Variants in FRY observed in about 807,000 individuals in gnomAD.
FRY encodes protein furry homolog.
FRY carries 128 observed loss-of-function variants against 348.4 expected under a neutral mutation model. The ratio of observed to expected loss-of-function variants is 0.37; its 90% CI spans 0.32 to 0.43. FRY has a LOEUF of 0.43. Ranked by LOEUF, FRY falls within the 20% of genes least tolerant of loss-of-function variation. FRY has a pLI of 1.00. For missense variants in FRY, 2,736 were observed against 3,695.2 expected (o/e 0.74, Z 6.73); for synonymous variants, 1,370 against 1,374.7 (o/e 1.00, Z 0.08).
intron 11 of FRY, among the ~76,000 whole-genome samples, chr13:32,139,360 C>T (rs1358529084): frequency 6.6e-6 from 1 of 152,176 alleles, no homozygotes; most frequent in Non-Finnish European, 1.5e-5. Flanking sequence ...CTTCCTTACC[C>T]CTCCCCAGCC....
chr13:32,151,582 A>G (rs940837088), intron 14 of FRY, among the ~76,000 whole-genome samples: 11 of 152,244 alleles, frequency 7.2e-5, no homozygotes, highest in Admixed American at 4.6e-4. Context: ...AGGCCTGGAG[A>G]TCTAAAGGAT....
At chr13:32,069,882 G>C (rs1874518963) in intron 1 of FRY, among the ~76,000 whole-genome samples, 1 of 133,618 alleles carries the variant, frequency 7.5e-6, no homozygotes, top group East Asian at 2.2e-4. Flanking sequence ...CCCCCCAAGA[G>C]GCCCCGGTGT....
At chr13:32,247,743 A>G (rs904766628) in intron 48 of FRY, among the ~76,000 whole-genome samples, 6 of 152,248 alleles carry the variant, frequency 3.9e-5, no homozygotes, top group African/African-American at 1.4e-4. Flanking sequence ...TGATTTTAAA[A>G]AGAGGTATTT....
chr13:32,185,215 T>C (rs1882959158), intron 26 of FRY, 67 bp downstream of exon 26: 1 of 1,420,290 alleles, frequency 7.0e-7, no homozygotes. Flanking sequence ...TTTATTACGG[T>C]GCTTTCGTCT....
At chr13:32,099,683 T>C (rs1877020763) in intron 2 of FRY, among the ~76,000 whole-genome samples, 1 of 152,040 alleles carries the variant, frequency 6.6e-6, no homozygotes, top group Admixed American at 6.5e-5. Flanking sequence ...CTGAAATGCA[T>C]TGAAAACAGA....
chr13:32,194,244 C>T lies in FRY; in HGVS notation c.3693C>T (p.Ser1231=), dbSNP rs1235510007. Residue 1231 remains serine, a synonymous_variant, in exon 29 of 61, where the codon TCC becomes TCT. Transcript: ENST00000542859. ...CAATTGACCGATGCTACACAGGTTC[C>T]TACCAACTTGCATCTGGCTGCTTCA... ...NWAIDRCYTG[S]YQLASGCFKA... is the part of the protein sequence containing the mutation. 31 of 1,614,134 alleles carry T rather than the reference C, an allele frequency of 1.9e-5. No individual in the cohort carries two copies. Among genetic ancestry groups the T allele is most frequent in the Non-Finnish European group, 2.5e-5 (30 of 1,179,978 alleles).
Position 32,117,432 on chromosome 13 carries a change from A to C in FRY, c.423A>C (p.Glu141Asp). The stretch of plus-strand genomic sequence containing the variant: ...AAAGGCAAAATGGCATTGAGGATGA[A>C]TCACATGAATACAGACCAAGAACAA... Reference protein sequence around the residue: ...WYKRQNGIEDESHEYRPRTSN... With the variant: ...WYKRQNGIEDDSHEYRPRTSN... The change falls in exon 4 of 61, where the codon GAA (glutamate) becomes GAC (aspartate). Residue 141 changes from glutamate (E) to aspartate (D), a missense_variant. Physicochemically the swap from Glu to Asp is conservative, Grantham distance 45. Around this residue, in one of 9 missense-constraint regions of FRY, gnomAD observed 309 missense variants for 418.1 expected, o/e 0.74. Coordinates refer to ENST00000542859, the MANE Select transcript of FRY (RefSeq NM_023037.3). 1.2e-6 allele frequency: 2 copies of C among 1,613,866 alleles called. No homozygotes were observed. The highest frequency in any genetic ancestry group is 1.7e-6 in the Non-Finnish European group (2 of 1,179,738).
chr13:32,173,343 A>G (rs1479030752), intron 18 of FRY, 24 bp from the exon 19 acceptor site: 3 of 1,588,380 alleles, frequency 1.9e-6, no homozygotes, highest in Non-Finnish European at 8.6e-7. Flanking sequence ...CTGAATACAG[A>G]ATGTTGTTCT....
At chr13:32,120,463 T>A (rs530885783) in intron 4 of FRY, among the ~76,000 whole-genome samples, 7 of 152,326 alleles carry the variant, frequency 4.6e-5, no homozygotes, top group Non-Finnish European at 8.8e-5. Flanking sequence ...CTAACTTTTT[T>A]AAACATTTAT....
chr13:32,129,446 A>G (rs1879217474), intron 7 of FRY, among the ~76,000 whole-genome samples: 1 of 152,232 alleles, frequency 6.6e-6, no homozygotes, highest in Admixed American at 6.5e-5. Context: ...TGAAAAATTA[A>G]TATACCATTT....
At chr13:32,240,525 T>G (rs1886447264) in intron 46 of FRY, among the ~76,000 whole-genome samples, 1 of 152,328 alleles carries the variant, frequency 6.6e-6, no homozygotes, top group South Asian at 2.1e-4. Flanking sequence ...TTTGTCATCA[T>G]ACCAACGTGT....
chr13:32,139,159 C>G (rs1021077583), intron 11 of FRY, among the ~76,000 whole-genome samples: 1 of 152,112 alleles, frequency 6.6e-6, no homozygotes, highest in Non-Finnish European at 1.5e-5. Context: ...TATTAATATT[C>G]AGAAAACCTT....
At chr13:32,135,039 A>G (rs563131020) in intron 9 of FRY, 43 bp downstream of exon 9, 1 of 1,550,500 alleles carries the variant, frequency 6.4e-7, no homozygotes, top group African/African-American at 1.4e-5. Context: ...GTATCACAAA[A>G]TCAACAATTT....
intron 1 of FRY, among the ~76,000 whole-genome samples, chr13:32,063,166 A>G (rs1263333364): frequency 6.6e-6 from 1 of 152,122 alleles, no homozygotes; most frequent in Non-Finnish European, 1.5e-5. Context: ...TTATTTGTCA[A>G]AAGATGGCAG....
chr13:32,130,817 ATTT>A (rs34805416), intron 7 of FRY, among the ~76,000 whole-genome samples: 9 of 143,640 alleles, frequency 6.3e-5, no homozygotes, highest in Admixed American at 6.9e-5. Flanking sequence ...CCATTACTAG[ATTT>A]TTTTTTTTTT....
At chr13:32,053,175 T>C (rs1435358995) in intron 1 of FRY, among the ~76,000 whole-genome samples, 1 of 152,210 alleles carries the variant, frequency 6.6e-6, no homozygotes, top group Non-Finnish European at 1.5e-5. Context: ...AGCAGCCATA[T>C]GTGGCTAATA....
intron 50 of FRY, 91 bp downstream of exon 50, chr13:32,252,043 T>C: frequency 2.3e-6 from 2 of 885,730 alleles, no homozygotes; most frequent in Non-Finnish European, 1.9e-6. Context: ...TTTAGAGGAT[T>C]CAACTGTGAA....
chr13:32,048,630 A>G (rs900099539), intron 1 of FRY, among the ~76,000 whole-genome samples: 1 of 152,214 alleles, frequency 6.6e-6, no homozygotes, highest in African/African-American at 2.4e-5. Context: ...ACTTACTTTT[A>G]TACCTTCTAG....
chr13:32,066,200 G>A (rs1874249644), intron 1 of FRY, among the ~76,000 whole-genome samples: 1 of 152,192 alleles, frequency 6.6e-6, no homozygotes, highest in South Asian at 2.1e-4. Flanking sequence ...GTAGAAACTG[G>A]TACAGTTTTC....
Sources: allele counts gnomAD v4.1 joint callset (sites outside exome capture counted in the v4.1 genomes callset), GRCh38; gene constraint gnomAD v4.1.1; regional missense constraint gnomAD v4.1.1; transcripts MANE v1.5; gene names NCBI Gene and HGNC (gene_info 2026-07-23, HGNC 2026-07-21).